The following RNF38 variants were observed in gnomAD, a reference collection of about 807,000 sequenced individuals.
RNF38 encodes E3 ubiquitin-protein ligase RNF38.
In RNF38, 15 loss-of-function variants were observed where a neutral mutation model predicts 67.2. The observed-to-expected ratio is 0.22, with a 90% CI of 0.15 to 0.34. The LOEUF is 0.34. Among genes scored for constraint, RNF38 ranks in the 10% least tolerant of loss-of-function variants. RNF38 has a pLI of 1.00. For synonymous variants in RNF38, 220 were observed against 218.8 expected, an observed-to-expected ratio of 1.01 and a Z score of -0.05; for missense variants, 524 against 639.9, an observed-to-expected ratio of 0.82 and a Z score of 1.95.
At chr9:36,349,776 C>G (rs1399921102) in intron 9 of RNF38, among the ~76,000 whole-genome samples, 1 of 152,134 alleles carries the variant, frequency 6.6e-6, no homozygotes, top group African/African-American at 2.4e-5. Context: ...GGTCTTTAAT[C>G]TATTTTGAGT....
chr9:36,344,294 T>C (rs1231820251), intron 10 of RNF38, among the ~76,000 whole-genome samples: 1 of 152,182 alleles, frequency 6.6e-6, no homozygotes, highest in African/African-American at 2.4e-5. Context: ...GGATTACATG[T>C]GTGAGCCACT....
At chr9:36,360,379 A>C (rs1473183806) in intron 4 of RNF38, among the ~76,000 whole-genome samples, 1 of 152,174 alleles carries the variant, frequency 6.6e-6, no homozygotes, top group African/African-American at 2.4e-5. Context: ...AAAAACTTAG[A>C]ATCTCCTTTC....
At chr9:36,400,680 C>A, upstream of RNF38, 1 of 985,866 alleles carries the variant, frequency 1.0e-6, no homozygotes, top group Non-Finnish European at 1.2e-6. Context: ...GGCCTCCTCA[C>A]CCCCGGAACC....
intron 8 of RNF38, among the ~76,000 whole-genome samples, chr9:36,352,209 A>G (rs1319635450): frequency 6.6e-6 from 1 of 152,036 alleles, no homozygotes; most frequent in Non-Finnish European, 1.5e-5. Context: ...CCGAGGCAGG[A>G]AAATCGCTGG....
chr9:36,476,312 T>C (rs992349949), intron 1 of RNF38, among the ~76,000 whole-genome samples: 37 of 151,944 alleles, frequency 2.4e-4, no homozygotes, highest in African/African-American at 8.0e-4. Context: ...GAGACGGGGT[T>C]TCCCCTTGGC....
chr9:36,455,115 G>C (rs993133610), intron 1 of RNF38, among the ~76,000 whole-genome samples: 1 of 149,286 alleles, frequency 6.7e-6, no homozygotes, highest in South Asian at 2.1e-4. Context: ...TGCAGAGTGC[G>C]GTGGTGCGAT....
At position 36,418,895 on chromosome 9, in the gene RNF38, G is replaced by A. The variant is rs112447603; in HGVS notation, n.312+5718C>T. 6.3e-3 allele frequency among the ~76,000 whole-genome samples: 955 copies of A among 151,654 alleles called. 12 individuals carry two copies. Among genetic ancestry groups the A allele is most frequent in the African/African-American group, 0.022 (912 of 41,308 alleles). On this transcript the variant is annotated intron_variant and non_coding_transcript_variant, in intron 2 of 3. Transcript: ENST00000488058. ...GGAGAATTGCTTGAACCCTGGCAGT[G>A]GAGGTTGCAGTGAGCCGAGATCACA...
chr9:36,364,873 C>A (rs76755848), intron 4 of RNF38, among the ~76,000 whole-genome samples: 2,462 of 152,306 alleles, frequency 0.016, 43 homozygotes, highest in Non-Finnish European at 0.024. Context: ...TGCTGCTCAG[C>A]TGATTCAGCT....
At chr9:36,357,576 A>G (rs779196140) in intron 5 of RNF38, among the ~76,000 whole-genome samples, 199 bp downstream of exon 5, 12 of 152,202 alleles carry the variant, frequency 7.9e-5, no homozygotes, top group Non-Finnish European at 1.5e-4. Context: ...TACTATAAGG[A>G]TATTATTGAG....
chr9:36,376,289 C>T (rs1475439346), intron 2 of RNF38, among the ~76,000 whole-genome samples, 162 bp from the exon 3 acceptor site: 1 of 152,066 alleles, frequency 6.6e-6, no homozygotes, highest in Non-Finnish European at 1.5e-5. Context: ...TTAAAAAATG[C>T]TGGGATGGGG....
intron 2 of RNF38, among the ~76,000 whole-genome samples, chr9:36,414,097 T>G (rs1838398730): frequency 6.6e-6 from 1 of 152,212 alleles, no homozygotes. Context: ...GCATGGAATA[T>G]CTTTTTTCAC....
At chr9:36,421,394 T>C (rs1414859235) in intron 2 of RNF38, among the ~76,000 whole-genome samples, 3 of 152,164 alleles carry the variant, frequency 2.0e-5, no homozygotes, top group African/African-American at 7.2e-5. Flanking sequence ...CCAGGCATGG[T>C]GGCTCACGCC....
chr9:36,354,268 C>G lies in RNF38; in HGVS notation c.910-937G>C, dbSNP rs1411488636. On this transcript the variant is annotated intron_variant, in intron 6 of 11. Transcript: ENST00000259605. ...AGTGCAGTGGCGCCATCTTGGCTCA[C>G]TGCAACCTCTGCCTCCTGGGTTCAA... Among the ~76,000 whole-genome samples the G allele has an allele frequency of 3.3e-5, 5 of 152,198 alleles. No homozygotes were observed. In the East Asian group the frequency reaches 9.6e-4, roughly 29 times the overall value.
chr9:36,426,744 A>C lies in RNF38; in HGVS notation n.242-2061T>G, dbSNP rs142287436. On this transcript the variant is annotated intron_variant and non_coding_transcript_variant, in intron 1 of 3. Transcript: ENST00000488058. Reference sequence around the variant, plus strand: ...AGCAATATATTACAGTTCCTCTGGCATTTTTTGAGTAGAATGACTTTGGAG... The same window carrying C: ...AGCAATATATTACAGTTCCTCTGGCCTTTTTTGAGTAGAATGACTTTGGAG... Among the ~76,000 whole-genome samples the C allele has an allele frequency of 2.8e-3, 431 of 152,290 alleles. 1 individual carries two copies. Among genetic ancestry groups the C allele is most frequent in the Non-Finnish European group, 4.3e-3 (295 of 68,034 alleles).
chr9:36,403,851 G>A (rs191258034), upstream of RNF38, among the ~76,000 whole-genome samples: 1 of 152,266 alleles, frequency 6.6e-6, no homozygotes, highest in Admixed American at 6.5e-5. Context: ...ACCTTTTAAA[G>A]AATGTGACTC....
intron 1 of RNF38, among the ~76,000 whole-genome samples, chr9:36,436,002 T>C (rs1019234076): frequency 2.0e-5 from 3 of 152,134 alleles, no homozygotes; most frequent in South Asian, 4.1e-4. Flanking sequence ...TGAGAACCTA[T>C]AGATTTTTAC....
chr9:36,466,465 C>T (rs889975119), intron 1 of RNF38, among the ~76,000 whole-genome samples: 4 of 152,170 alleles, frequency 2.6e-5, no homozygotes, highest in African/African-American at 9.7e-5. Context: ...GCTCATAAAG[C>T]GTAGTTTTAG....
chr9:36,400,912 G>GAGCCC, upstream of RNF38: 3 of 766,970 alleles, frequency 3.9e-6, no homozygotes, highest in Non-Finnish European at 4.5e-6. Context: ...CCGCCCCGCC[G>GAGCCC]CGCCCCGCCG....
In RNF38 at chr9:36,348,454, C is replaced by G. The variant is rs111540094; in HGVS notation, c.1263+2661G>C. Among the ~76,000 whole-genome samples the G allele has an allele frequency of 2.0e-3, 312 of 152,226 alleles. 1 individual carries two copies. Among genetic ancestry groups the G allele is most frequent in the African/African-American group, 7.3e-3 (305 of 41,516 alleles). ...TGGCAATACACTCCAGCCTGGGTGACAGAGTAAGACCCTGTCTCAAACAAA... is the reference window on the plus strand; with the variant it reads ...TGGCAATACACTCCAGCCTGGGTGAGAGAGTAAGACCCTGTCTCAAACAAA... On this transcript the variant is annotated intron_variant, in intron 9 of 11. Coordinates refer to ENST00000259605, the MANE Select transcript of RNF38 (RefSeq NM_022781.5).
Sources: gnomAD v4.1 joint callset for allele counts (sites outside exome capture counted in the v4.1 genomes callset) on GRCh38, gnomAD v4.1.1 for gene constraint, MANE v1.5 for transcripts, NCBI Gene and HGNC (gene_info 2026-07-23, HGNC 2026-07-21) for gene names.